Variants in TECTA observed in about 807,000 individuals in gnomAD.
The protein encoded by TECTA is alpha-tectorin.
In TECTA, 128 loss-of-function variants were observed where a neutral mutation model predicts 216.8. That is an observed-to-expected ratio of 0.59 (90% CI 0.51 to 0.68). The LOEUF is 0.68. TECTA is among the 30% of genes least tolerant of loss of function. The probability of loss-of-function intolerance (pLI) is 0.00; values close to 1 mark genes in which losing one functional copy is unlikely to be tolerated. For synonymous variants in TECTA, 1,089 were observed against 1,117.1 expected, an observed-to-expected ratio of 0.97 and a Z score of 0.50; for missense variants, 2,551 against 2,786.2, an observed-to-expected ratio of 0.92 and a Z score of 1.90.
Position 121,137,693 on chromosome 11 carries a change from T to G in TECTA, c.3214T>G (p.Cys1072Gly). The change falls in exon 11 of 24, where the codon TGC becomes GGC. Residue 1072 changes from cysteine to glycine, a missense_variant. Transcript: ENST00000392793. ...YCSGTDNRVH[C>G]ETIPCKDDEY... is the part of the protein sequence containing the mutation. ...CAGTGGCACAGACAACAGGGTCCAC[T>G]GCGAGACCATTCCCTGCAAGGATGA... is the stretch of plus-strand genomic sequence containing the variant. 6.2e-7 allele frequency: 1 copy of G among 1,614,118 alleles called. No individual in the cohort carries two copies. Among genetic ancestry groups the G allele is most frequent in the Non-Finnish European group, 8.5e-7 (1 of 1,180,030 alleles).
intron 20 of TECTA, among the ~76,000 whole-genome samples, chr11:121,182,569 G>C (rs1947240633): frequency 6.6e-6 from 1 of 152,212 alleles, no homozygotes; most frequent in Non-Finnish European, 1.5e-5. Flanking sequence ...ATGTGTGTGA[G>C]CACAGGGGTG....
At chr11:121,106,183 G>T (rs1946388831) in intron 3 of TECTA, among the ~76,000 whole-genome samples, 1 of 152,130 alleles carries the variant, frequency 6.6e-6, no homozygotes, top group Non-Finnish European at 1.5e-5. Context: ...AGTATACAGG[G>T]CAATAAATTG....
chr11:121,126,078 T>C (rs1046660305), intron 8 of TECTA, among the ~76,000 whole-genome samples: 3 of 152,146 alleles, frequency 2.0e-5, no homozygotes, highest in Non-Finnish European at 4.4e-5. Context: ...CAAGAACCCA[T>C]TGATGAACAT....
intron 12 of TECTA, among the ~76,000 whole-genome samples, chr11:121,150,410 C>G (rs1391345445): frequency 1.3e-5 from 2 of 152,048 alleles, no homozygotes; most frequent in Non-Finnish European, 2.9e-5. Context: ...TAGAAGAAAA[C>G]AAAGGAGCGT....
rs540582811 is a variant in TECTA at position 121,149,722 on chromosome 11, T to C, written c.4106-3159T>C. Among the ~76,000 whole-genome samples the C allele has an allele frequency of 4.0e-4, 61 of 152,350 alleles. No individual in the cohort carries two copies. In the South Asian group the frequency reaches 0.011, roughly 28 times the overall value. On this transcript the variant is annotated intron_variant, in intron 12 of 23. Transcript: ENST00000392793. The stretch of plus-strand genomic sequence containing the variant: ...TGCTTTTTAGGGGCTCCATTCATCC[T>C]GTCTACCAAGGCACAGATGCTGGGT...
chr11:121,179,358 T>C (rs1227609877), intron 20 of TECTA, among the ~76,000 whole-genome samples: 1 of 152,166 alleles, frequency 6.6e-6, no homozygotes, highest in Non-Finnish European at 1.5e-5. Flanking sequence ...TTTCTCTTAT[T>C]ATTGATTTCT....
At chr11:121,162,473 AC>A in intron 16 of TECTA, 103 bp downstream of exon 16, 1 of 1,393,982 alleles carries the variant, frequency 7.2e-7, no homozygotes, top group Non-Finnish European at 9.8e-7. Context: ...CTCCAGATTT[AC>A]TCATAGATCT....
intron 4 of TECTA, among the ~76,000 whole-genome samples, chr11:121,111,164 A>G (rs575934451): frequency 3.3e-5 from 5 of 152,342 alleles, no homozygotes; most frequent in Admixed American, 3.3e-4. Context: ...AGGGTTTACT[A>G]TGTGTCTGGT....
At chr11:121,158,480 C>T (rs1421766017) in intron 14 of TECTA, among the ~76,000 whole-genome samples, 3 of 152,180 alleles carry the variant, frequency 2.0e-5, no homozygotes, top group Admixed American at 1.3e-4. Context: ...ATGGCATGGG[C>T]GCTAATAGAG....
intron 19 of TECTA, 64 bp from the exon 20 acceptor site, chr11:121,168,613 A>T: frequency 6.2e-7 from 1 of 1,613,280 alleles, no homozygotes; most frequent in Non-Finnish European, 8.5e-7. Flanking sequence ...AGCCTGAAAA[A>T]TGGTAGGTAA....
chr11:121,173,780 C>G (rs1947137502), intron 20 of TECTA, among the ~76,000 whole-genome samples: 1 of 152,068 alleles, frequency 6.6e-6, no homozygotes, highest in Non-Finnish European at 1.5e-5. Context: ...TTACCTTGGG[C>G]AGCATGGCCA....
intron 11 of TECTA, 127 bp from the exon 12 acceptor site, chr11:121,145,428 C>T: frequency 1.1e-6 from 1 of 915,522 alleles, no homozygotes; most frequent in Non-Finnish European, 1.8e-6. Flanking sequence ...ACAGTACATG[C>T]AAAGACTGCA....
chr11:121,134,532 G>A (rs764216226), intron 10 of TECTA, among the ~76,000 whole-genome samples: 4 of 151,970 alleles, frequency 2.6e-5, no homozygotes, highest in Admixed American at 6.6e-5. Flanking sequence ...GGCTTCTGTC[G>A]GCCACCACAT....
chr11:121,114,263 A>C (rs1946475001), intron 6 of TECTA, among the ~76,000 whole-genome samples: 1 of 152,194 alleles, frequency 6.6e-6, no homozygotes, highest in Non-Finnish European at 1.5e-5. Flanking sequence ...AACGTGCAGG[A>C]ATTTGAGGAG....
At position 121,127,636 on chromosome 11, in the gene TECTA, C is replaced by A; in HGVS notation, c.1775-116C>A. The A allele has an allele frequency of 1.6e-6, 2 of 1,224,510 alleles. No individual in the cohort carries two copies. Among genetic ancestry groups the A allele is most frequent in the Non-Finnish European group, 2.4e-6 (2 of 832,630 alleles). 75.9% of individuals were successfully genotyped at this position (1,224,510 alleles called of 1,614,324 possible). On this transcript the variant is annotated intron_variant, in intron 8 of 23. Coordinates refer to ENST00000392793, the MANE Select transcript of TECTA (RefSeq NM_005422.4). The surrounding 1 kb of genome is among the most constrained non-coding windows in gnomAD (Gnocchi z 5.0). ...CCTCAATTCTGTCTTCCCCGAGTGGCCGCTTGACCCTCACTCTAGGAACTA... is the reference window on the plus strand; with the variant it reads ...CCTCAATTCTGTCTTCCCCGAGTGGACGCTTGACCCTCACTCTAGGAACTA...
At chr11:121,173,276 C>A (rs1480498413) in intron 20 of TECTA, among the ~76,000 whole-genome samples, 2 of 149,244 alleles carry the variant, frequency 1.3e-5, no homozygotes, top group Non-Finnish European at 3.0e-5. Context: ...TGCCTATGTC[C>A]TGAATGGTAA....
At chr11:121,145,506 G>C (rs1485074578) in intron 11 of TECTA, 49 bp from the exon 12 acceptor site, 28 of 1,599,658 alleles carry the variant, frequency 1.8e-5, no homozygotes, top group Non-Finnish European at 2.4e-5. Flanking sequence ...GAAGAGCTGG[G>C]AAATCTCTGG....
At chr11:121,107,439 C>T (rs1023605207) in intron 3 of TECTA, among the ~76,000 whole-genome samples, 1 of 152,216 alleles carries the variant, frequency 6.6e-6, no homozygotes, top group African/African-American at 2.4e-5. Flanking sequence ...ACAATAGGCT[C>T]TTAATGTCTC....
In TECTA at chr11:121,160,250, G is replaced by A. The variant is rs1356683874; in HGVS notation, c.4805G>A (p.Gly1602Asp). Residue 1602 changes from glycine to aspartate, a missense_variant, in exon 15 of 24, where the codon GGT becomes GAT. Coordinates refer to ENST00000392793, the MANE Select transcript of TECTA (RefSeq NM_005422.4). ...TSPDIQIYYNGFNVIKISISE... is the reference protein window; with the variant it reads ...TSPDIQIYYNDFNVIKISISE... Reference sequence around the variant, plus strand: ...CCAGACATCCAGATATACTACAATGGTTTCAACGTCATTAAAATCAGCATC... The same window carrying A: ...CCAGACATCCAGATATACTACAATGATTTCAACGTCATTAAAATCAGCATC... 2 of 1,614,216 alleles carry A rather than the reference G, an allele frequency of 1.2e-6. No homozygotes were observed. Among genetic ancestry groups the A allele is most frequent in the Admixed American group, 1.7e-5 (1 of 60,020 alleles).
Sources: gnomAD v4.1 joint callset for allele counts (sites outside exome capture counted in the v4.1 genomes callset) on GRCh38, gnomAD v4.1.1 for gene constraint, Gnocchi (gnomAD v3.1) non-coding constraint, MANE v1.5 for transcripts, NCBI Gene and HGNC (gene_info 2026-07-23, HGNC 2026-07-21) for gene names.